EVI5: variants seen among roughly 807,000 people sequenced by gnomAD.
The protein encoded by EVI5 is ecotropic viral integration site 5, also known as ecotropic viral integration site 5 protein homolog.
Under a neutral mutation model 112.0 loss-of-function variants are expected in EVI5, and 73 were observed. The observed-to-expected ratio is 0.65, with a 90% confidence interval of 0.54 to 0.79. The LOEUF is 0.79. Ranked by LOEUF, EVI5 falls within the 30% of genes least tolerant of loss-of-function variation. The pLI, the probability that EVI5 is intolerant of heterozygous loss-of-function variation, is 0.00. For missense variants in EVI5, 900 were observed against 968.8 expected (o/e 0.93, Z 0.94); for synonymous variants, 305 against 319.9 (o/e 0.95, Z 0.50).
intron 13 of EVI5, 125 bp from the exon 14 acceptor site, chr1:92,636,461 T>C: frequency 1.4e-6 from 1 of 716,646 alleles, no homozygotes; most frequent in Non-Finnish European, 2.2e-6. Flanking sequence ...AAGTTCCATC[T>C]ACCCAATATT....
At chr1:92,681,238 T>C (rs1261088068) in intron 9 of EVI5, among the ~76,000 whole-genome samples, 2 of 152,170 alleles carry the variant, frequency 1.3e-5, no homozygotes, top group Non-Finnish European at 2.9e-5. Flanking sequence ...TTGTTGTTCA[T>C]AGGAAGTACA....
intron 14 of EVI5, among the ~76,000 whole-genome samples, chr1:92,631,256 T>C (rs1350147668): frequency 6.6e-6 from 1 of 152,186 alleles, no homozygotes; most frequent in Non-Finnish European, 1.5e-5. Flanking sequence ...ATTGAATCTA[T>C]AAATTACCTT....
chr1:92,610,667 T>C (rs1428143416), intron 16 of EVI5, among the ~76,000 whole-genome samples: 1 of 151,962 alleles, frequency 6.6e-6, no homozygotes, highest in Non-Finnish European at 1.5e-5. Context: ...CTGAATTCAA[T>C]GAATGGGTTA....
chr1:92,729,838 G>T (rs78343186), intron 2 of EVI5, among the ~76,000 whole-genome samples: 2 of 152,146 alleles, frequency 1.3e-5, no homozygotes, highest in Non-Finnish European at 2.9e-5. Context: ...AGCGCAGACT[G>T]TATCACAAAC....
chr1:92,773,704 T>G (rs544331874), intron 1 of EVI5, among the ~76,000 whole-genome samples: 2 of 152,180 alleles, frequency 1.3e-5, no homozygotes, highest in Non-Finnish European at 2.9e-5. Flanking sequence ...ATAGGAATGA[T>G]TCACATAGGT....
At position 92,703,603 on chromosome 1, in the gene EVI5, C is replaced by A; in HGVS notation, c.356G>T (p.Gly119Val). 1.3e-6 allele frequency: 2 copies of A among 1,567,762 alleles called. No individual in the cohort carries two copies. The highest frequency in any genetic ancestry group is 1.7e-6 in the Non-Finnish European group (2 of 1,158,062). Residue 119 changes from glycine to valine, a missense_variant, in exon 4 of 20, where the codon GGG becomes GTG. Physicochemically the swap from Gly to Val is moderately radical, Grantham distance 109. Coordinates refer to ENST00000684568, the MANE Select transcript of EVI5 (RefSeq NM_001350197.2). ...TATTGCTCTAAAGTGATGGGGTATC[C>A]CTTTATGAACAAGTTCCTAAAAATA... Reference protein sequence around the residue: ...EKQVKELVHKGIPHHFRAIVW... With the variant: ...EKQVKELVHKVIPHHFRAIVW...
At chr1:92,748,433 A>G (rs1280269428) in intron 1 of EVI5, among the ~76,000 whole-genome samples, 1 of 152,262 alleles carries the variant, frequency 6.6e-6, no homozygotes, top group African/African-American at 2.4e-5. Context: ...AAAGACGTGA[A>G]GCAGAGACAA....
intron 1 of EVI5, among the ~76,000 whole-genome samples, chr1:92,783,483 T>TAAA (rs774619273): frequency 7.8e-4 from 19 of 24,238 alleles, no homozygotes; most frequent in Non-Finnish European, 1.0e-3. Context: ...GACTCAGCCT[T>TAAA]AAAAAAAAAA....
intron 1 of EVI5, among the ~76,000 whole-genome samples, chr1:92,781,135 C>A (rs1458069177): frequency 6.6e-6 from 1 of 152,084 alleles, no homozygotes; most frequent in African/African-American, 2.4e-5. Context: ...CAGGCATGAG[C>A]CACCACGCCC....
intron 1 of EVI5, chr1:92,756,744 G>T: frequency 2.0e-6 from 1 of 490,826 alleles, no homozygotes; most frequent in Non-Finnish European, 4.1e-6. Flanking sequence ...GTTAGCAGAT[G>T]GTATCTACTA....
intron 18 of EVI5, among the ~76,000 whole-genome samples, chr1:92,586,714 G>A (rs938696503): frequency 6.2e-5 from 9 of 144,948 alleles, no homozygotes; most frequent in African/African-American, 1.3e-4. Flanking sequence ...TCCTGTCCCC[G>A]TCCTAGAATC....
chr1:92,671,949 T>C (rs1011590704), intron 10 of EVI5, among the ~76,000 whole-genome samples: 1 of 151,672 alleles, frequency 6.6e-6, no homozygotes, highest in Non-Finnish European at 1.5e-5. Flanking sequence ...ACTACAGGCA[T>C]GCACCACCAT....
chr1:92,756,783 G>T, intron 1 of EVI5: 1 of 514,382 alleles, frequency 1.9e-6, no homozygotes. Flanking sequence ...AGCTACAGAT[G>T]TGTCCTCCTG....
At chr1:92,562,215 C>T (rs1254514847) in intron 19 of EVI5, among the ~76,000 whole-genome samples, 2 of 152,140 alleles carry the variant, frequency 1.3e-5, no homozygotes, top group Admixed American at 6.6e-5. Flanking sequence ...TGTTCTTTCA[C>T]ACTATGGCTA....
At chr1:92,702,390 A>G (rs1451558221) in intron 4 of EVI5, among the ~76,000 whole-genome samples, 175 bp from the exon 5 acceptor site, 1 of 152,000 alleles carries the variant, frequency 6.6e-6, no homozygotes, top group Admixed American at 6.5e-5. Flanking sequence ...GTTTTATTAC[A>G]TGAAATTTTA....
intron 13 of EVI5, among the ~76,000 whole-genome samples, chr1:92,659,106 T>C (rs1663530490): frequency 6.6e-6 from 1 of 152,008 alleles, no homozygotes; most frequent in Admixed American, 6.6e-5. Context: ...GAAAAAAATA[T>C]GGATTAAAGA....
chr1:92,636,138 T>A, intron 14 of EVI5, 64 bp downstream of exon 14: 1 of 1,340,176 alleles, frequency 7.5e-7, no homozygotes, highest in Non-Finnish European at 1.0e-6. Flanking sequence ...GCTCAGTAAG[T>A]ACTTAATAAA....
chr1:92,761,049 C>T (rs1197337965), intron 1 of EVI5, among the ~76,000 whole-genome samples: 4 of 113,304 alleles, frequency 3.5e-5, no homozygotes, highest in Non-Finnish European at 7.0e-5. Context: ...CACAGCGAGG[C>T]TCCATCTCAA....
At chr1:92,642,931 G>A (rs989038351) in intron 13 of EVI5, among the ~76,000 whole-genome samples, 7 of 152,132 alleles carry the variant, frequency 4.6e-5, no homozygotes, top group African/African-American at 1.4e-4. Context: ...ATACCTGAAT[G>A]GTAAGACCAA....
Sources: gnomAD v4.1 joint callset for allele counts (sites outside exome capture counted in the v4.1 genomes callset) on GRCh38, gnomAD v4.1.1 for gene constraint, MANE v1.5 for transcripts, NCBI Gene and HGNC (gene_info 2026-07-23, HGNC 2026-07-21) for gene names.